NFIL3: variants seen among roughly 807,000 people sequenced by gnomAD.
NFIL3 encodes the protein nuclear factor interleukin-3-regulated protein.
A neutral mutation model predicts 10.0 loss-of-function variants in NFIL3; 5 were observed. The ratio of observed to expected loss-of-function variants is 0.50; its 90% CI spans 0.26 to 1.06. The LOEUF (loss-of-function observed/expected upper bound fraction) is 1.06, where lower values mean the gene tolerates loss of function less well. NFIL3 is among the 50% of genes least tolerant of loss of function. NFIL3 has a pLI of 0.13. For synonymous variants in NFIL3, 202 were observed against 206.5 expected (o/e 0.98, Z 0.19); for missense variants, 436 against 547.6 (o/e 0.80, Z 2.03).
chr9:91,466,024 C>CTG, the NFIL3 span, among the ~76,000 whole-genome samples: 19 of 151,282 alleles, frequency 1.3e-4, 1 homozygote, highest in Middle Eastern at 0.014. Context: ...TACAGTAGAT[C>CTG]TGTGTGTGTG....
In NFIL3 at chr9:91,409,842, G is replaced by A; in HGVS notation, c.893C>T (p.Pro298Leu). 6.2e-7 allele frequency: 1 copy of A among 1,614,018 alleles called. No homozygotes were observed. Among genetic ancestry groups the A allele is most frequent in the Non-Finnish European group, 8.5e-7 (1 of 1,180,016 alleles). Residue 298 changes from proline (P) to leucine (L), a missense_variant, in exon 2 of 2, where the codon CCC (proline) becomes CTC (leucine). Pro to Leu is a moderately conservative substitution (Grantham distance 98). Transcript: ENST00000297689. ...CTTGAGTTCAACTGGAGAATGGATG[G>A]GGCCCTTGGGGACCTGTTGCTCGTC... is the stretch of plus-strand genomic sequence containing the variant. ...GEDEQQVPKG[P>L]IHSPVELKHV...
chr9:91,462,625 C>T, the NFIL3 span, among the ~76,000 whole-genome samples: 1 of 151,908 alleles, frequency 6.6e-6, no homozygotes, highest in Non-Finnish European at 1.5e-5. Flanking sequence ...TTTATATCTA[C>T]ATTCATGAGA....
At chr9:91,475,540 A>G in the NFIL3 span, among the ~76,000 whole-genome samples, 1 of 152,254 alleles carries the variant, frequency 6.6e-6, no homozygotes, top group South Asian at 2.1e-4. Context: ...ACCTTAAGTG[A>G]AATTATTGGA....
upstream of NFIL3, among the ~76,000 whole-genome samples, chr9:91,428,362 C>T (rs1205885237): frequency 6.6e-6 from 1 of 152,134 alleles, no homozygotes; most frequent in Non-Finnish European, 1.5e-5. Flanking sequence ...CTCTTGCCAC[C>T]TACCTATCCC....
At position 91,420,882 on chromosome 9, in the gene NFIL3, G is replaced by C. The variant is rs1833749855; in HGVS notation, c.-173+2758C>G. Among the ~76,000 whole-genome samples, 5 of 151,984 alleles carry C rather than the reference G, an allele frequency of 3.3e-5. No individual in the cohort carries two copies. The South Asian group carries it at 1.0e-3, about 32-fold the overall frequency. On this transcript the variant is annotated intron_variant, in intron 1 of 1. Transcript: ENST00000297689. ...GGAGATCAGTGTTCTCTCTCCTCTA[G>C]CCTTTGACCACATAAATTAAAGGTT...
the NFIL3 span, among the ~76,000 whole-genome samples, chr9:91,473,232 C>T: frequency 6.6e-6 from 1 of 152,202 alleles, no homozygotes; most frequent in Middle Eastern, 3.2e-3. Context: ...ACACTGATCT[C>T]TTCAGAGATG....
the NFIL3 span, among the ~76,000 whole-genome samples, chr9:91,452,901 T>C: frequency 6.6e-6 from 1 of 151,950 alleles, no homozygotes; most frequent in African/African-American, 2.4e-5. Context: ...AAATAAACTT[T>C]CTAAATTAAT....
intron 1 of NFIL3, among the ~76,000 whole-genome samples, chr9:91,420,106 C>T (rs940639932): frequency 3.3e-5 from 5 of 152,128 alleles, no homozygotes; most frequent in Non-Finnish European, 4.4e-5. Flanking sequence ...ATAATCGACT[C>T]ATCTCTCTAT....
At chr9:91,483,172 G>C in the NFIL3 span, among the ~76,000 whole-genome samples, 1 of 152,112 alleles carries the variant, frequency 6.6e-6, no homozygotes, top group Non-Finnish European at 1.5e-5. Flanking sequence ...ATTGGCTGTG[G>C]GTGGAGAAGC....
chr9:91,433,707 T>C, the NFIL3 span, among the ~76,000 whole-genome samples: 1 of 152,260 alleles, frequency 6.6e-6, no homozygotes, highest in African/African-American at 2.4e-5. Context: ...TTTAAGTCAT[T>C]GTTAGATGAG....
the NFIL3 span, among the ~76,000 whole-genome samples, chr9:91,441,771 C>T: frequency 1.3e-5 from 2 of 152,176 alleles, no homozygotes; most frequent in Admixed American, 6.5e-5. Flanking sequence ...CATATAAAAA[C>T]TCTAGACTTT....
At chr9:91,483,154 C>A in the NFIL3 span, among the ~76,000 whole-genome samples, 5 of 152,270 alleles carry the variant, frequency 3.3e-5, 1 homozygote, top group East Asian at 9.7e-4. Flanking sequence ...ACCTTCAGAG[C>A]CCTTTCCATT....
the NFIL3 span, among the ~76,000 whole-genome samples, chr9:91,478,821 G>A: frequency 6.6e-6 from 1 of 152,060 alleles, no homozygotes; most frequent in Admixed American, 6.5e-5. Context: ...CTTCGGATGG[G>A]GTTTCTGTTT....
intron 1 of NFIL3, among the ~76,000 whole-genome samples, chr9:91,414,987 A>C (rs1833624976): frequency 6.6e-6 from 1 of 152,214 alleles, no homozygotes; most frequent in Non-Finnish European, 1.5e-5. Context: ...CTTTCTTTTT[A>C]ATGTTATGTG....
At chr9:91,456,361 G>C in the NFIL3 span, among the ~76,000 whole-genome samples, 2 of 152,160 alleles carry the variant, frequency 1.3e-5, no homozygotes, top group Non-Finnish European at 2.9e-5. Flanking sequence ...GAATAGGAAA[G>C]TTCCAGTTCT....
At chr9:91,466,928 T>C in the NFIL3 span, among the ~76,000 whole-genome samples, 1 of 152,196 alleles carries the variant, frequency 6.6e-6, no homozygotes, top group East Asian at 1.9e-4. Flanking sequence ...ATTAGCAGAC[T>C]TTGAGTACAG....
At chr9:91,433,837 A>G in the NFIL3 span, among the ~76,000 whole-genome samples, 6 of 152,046 alleles carry the variant, frequency 3.9e-5, no homozygotes, top group African/African-American at 1.4e-4. Context: ...TAGTTGAAAA[A>G]TATTATATTT....
At chr9:91,469,007 G>A in the NFIL3 span, among the ~76,000 whole-genome samples, 4 of 152,116 alleles carry the variant, frequency 2.6e-5, no homozygotes, top group Non-Finnish European at 5.9e-5. Context: ...GATTGTCTTG[G>A]CAATGTGGGC....
At chr9:91,416,034 T>C (rs1266680596) in intron 1 of NFIL3, among the ~76,000 whole-genome samples, 1 of 152,226 alleles carries the variant, frequency 6.6e-6, no homozygotes, top group Non-Finnish European at 1.5e-5. Flanking sequence ...TATTTATGAA[T>C]TGAGAAAACA....
Sources: gnomAD v4.1 joint callset for allele counts (sites outside exome capture counted in the v4.1 genomes callset) on GRCh38, gnomAD v4.1.1 for gene constraint, MANE v1.5 for transcripts, NCBI Gene and HGNC (gene_info 2026-07-23, HGNC 2026-07-21) for gene names.